Variants in TLE5 observed in about 807,000 individuals in gnomAD.
The protein encoded by TLE5 is TLE family member 5.
In TLE5, 7 loss-of-function variants were observed where a neutral mutation model predicts 25.8. That is an observed-to-expected ratio of 0.27 (90% CI 0.15 to 0.51). TLE5 has a LOEUF of 0.51. Ranked by LOEUF, TLE5 falls within the 20% of genes least tolerant of loss-of-function variation. TLE5 has a pLI of 0.97. For synonymous variants in TLE5, 132 were observed against 110.5 expected, an observed-to-expected ratio of 1.20 and a Z score of -1.22; for missense variants, 149 against 250.7, an observed-to-expected ratio of 0.59 and a Z score of 2.74.
chr19:3,062,669 C>T, upstream of TLE5: 3 of 1,382,046 alleles, frequency 2.2e-6, no homozygotes, highest in East Asian at 8.9e-5. Context: ...CGCCCCCGCC[C>T]CGGGCAGCGG....
At chr19:3,062,547 G>A, upstream of TLE5, 2 of 728,324 alleles carry the variant, frequency 2.7e-6, no homozygotes, top group Middle Eastern at 6.9e-4. Context: ...CGCCGCCCGT[G>A]CCCCGTGCGC....
In TLE5 at chr19:3,056,742, C is replaced by G. The variant is rs1388368467; in HGVS notation, c.190-386G>C. 2.5e-5 allele frequency: 9 copies of G among 364,938 alleles called. No individual in the cohort carries two copies. In the East Asian group the frequency reaches 8.2e-4, roughly 33 times the overall value. 22.6% of individuals were successfully genotyped at this position (364,938 alleles called of 1,614,324 possible). A position where few individuals can be genotyped will look rare whatever the true frequency, so the allele number is the denominator to read the frequency against. On this transcript the variant is annotated intron_variant, in intron 3 of 6. Coordinates refer to ENST00000327141, the MANE Select transcript of TLE5 (RefSeq NM_001130.6). ...CCAGACGCCAGGGAAGTTTGCCTGCCTAGGTATAAACAGTGAGGGGTAAAC... is the reference window on the plus strand; with the variant it reads ...CCAGACGCCAGGGAAGTTTGCCTGCGTAGGTATAAACAGTGAGGGGTAAAC...
chr19:3,056,873 G>A (rs1017837340), intron 3 of TLE5: 1 of 205,398 alleles, frequency 4.9e-6, no homozygotes, highest in Non-Finnish European at 1.0e-5. Context: ...GTCACCCCTG[G>A]GGGAAAACCA....
upstream of TLE5, chr19:3,062,885 CGGTA>C: frequency 7.5e-7 from 1 of 1,328,932 alleles, no homozygotes; most frequent in Non-Finnish European, 1.1e-6. Flanking sequence ...AGAAAGGCAG[CGGTA>C]ATGCCGCCTT....
Position 3,053,513 on chromosome 19 carries a change from G to C in TLE5, c.*306C>G. The stretch of plus-strand genomic sequence containing the variant: ...AAGGGCCGGGGCTGCTGCGCTTCGC[G>C]AGGTCTTGCTCCCTTGGGACCTGGT... On this transcript the variant is annotated 3_prime_UTR_variant, in exon 7 of 7. Transcript: ENST00000327141. The C allele has an allele frequency of 2.2e-6, 1 of 454,906 alleles. No individual in the cohort carries two copies. Among genetic ancestry groups the C allele is most frequent in the East Asian group, 3.8e-5 (1 of 26,390 alleles). The allele number at this position is 454,906 out of a possible 1,614,324, so 28.2% of individuals were successfully genotyped here. A position where few individuals can be genotyped will look rare whatever the true frequency, so the allele number is the denominator to read the frequency against.
chr19:3,057,085 T>C (rs978665966), intron 3 of TLE5, among the ~76,000 whole-genome samples: 1 of 152,244 alleles, frequency 6.6e-6, no homozygotes, highest in African/African-American at 2.4e-5. Context: ...TCTGGGAGAT[T>C]TGGGTACTGG....
intron 3 of TLE5, 106 bp downstream of exon 3, chr19:3,057,573 C>A: frequency 8.9e-7 from 1 of 1,124,642 alleles, no homozygotes. Flanking sequence ...TCGCGCTTCC[C>A]AGGGGAGGTG....
At position 3,061,370 on chromosome 19, in the gene TLE5, C is replaced by T. The variant is rs1190315929; in HGVS notation, c.28-113G>A. ...CGGCGCCCCCCCTCCTGCCCCACTT[C>T]CTGGGCCCGTGTTTACGGCCCCTGG... On this transcript the variant is annotated intron_variant, in intron 1 of 6. Coordinates refer to ENST00000327141, the MANE Select transcript of TLE5 (RefSeq NM_001130.6). 4 of 753,656 alleles carry T rather than the reference C, an allele frequency of 5.3e-6. No homozygotes were observed. In the African/African-American group the frequency reaches 5.4e-5, roughly 10 times the overall value. 46.7% of individuals were successfully genotyped at this position (753,656 alleles called of 1,614,324 possible). A position where few individuals can be genotyped will look rare whatever the true frequency, so the allele number is the denominator to read the frequency against.
Position 3,056,375 on chromosome 19 carries a change from G to T in TLE5, c.190-19C>A. 2 of 1,175,556 alleles carry T rather than the reference G, an allele frequency of 1.7e-6. No individual in the cohort carries two copies. Among genetic ancestry groups the T allele is most frequent in the South Asian group, 1.4e-5 (1 of 72,008 alleles). 72.8% of individuals were successfully genotyped at this position (1,175,556 alleles called of 1,614,324 possible). A position where few individuals can be genotyped will look rare whatever the true frequency, so the allele number is the denominator to read the frequency against. ...CGTAGTACTGTATGGGGGAGAGAGA[G>T]GGGGAGCGGGAGATGGGGGTGGGGA... is the stretch of plus-strand genomic sequence containing the variant. On this transcript the variant is annotated intron_variant, in intron 3 of 6. Coordinates refer to ENST00000327141, the MANE Select transcript of TLE5 (RefSeq NM_001130.6).
At chr19:3,055,802 G>C in intron 4 of TLE5, 76 bp from the exon 5 acceptor site, 1 of 1,473,610 alleles carries the variant, frequency 6.8e-7, no homozygotes, top group Non-Finnish European at 9.2e-7. Context: ...GGCCTGCGCG[G>C]GGCCCGGCCC....
upstream of TLE5, chr19:3,062,966 A>C (rs554861362): frequency 7.0e-6 from 4 of 569,910 alleles, no homozygotes; most frequent in East Asian, 1.3e-4. Flanking sequence ...CCGCTGCTCC[A>C]GGGCCCTGGG....
chr19:3,062,521 C>T (rs2090281212), upstream of TLE5: 3 of 654,982 alleles, frequency 4.6e-6, no homozygotes, highest in Non-Finnish European at 5.7e-6. Context: ...GCTGCGGAGG[C>T]TTCGGCTCCA....
intron 6 of TLE5, 34 bp downstream of exon 6, chr19:3,054,086 T>TCGGGGGGGGCCG: frequency 6.6e-7 from 1 of 1,512,814 alleles, no homozygotes; most frequent in Non-Finnish European, 8.9e-7. Flanking sequence ...GGCCCACCTG[T>TCGGGGGGGGCCG]CCCCCGCCCA....
At position 3,061,206 on chromosome 19, in the gene TLE5, C is replaced by T; in HGVS notation, c.79G>A (p.Asp27Asn). The T allele has an allele frequency of 6.2e-7, 1 of 1,613,790 alleles. No homozygotes were observed. The highest frequency in any genetic ancestry group is 2.2e-5 in the East Asian group (1 of 44,862). ...QLKFTTSDSCDRIKDEFQLLQ... is the reference protein window; with the variant it reads ...QLKFTTSDSCNRIKDEFQLLQ... ...AGCTGAAATTCGTCTTTGATGCGGT[C>T]GCAGGAGTCCGAGGTGGTGAATTTG... Residue 27 changes from aspartate (D) to asparagine (N), a missense_variant, in exon 2 of 7, where the codon GAC becomes AAC. By Grantham distance (23) the Asp-to-Asn change is conservative. Transcript: ENST00000327141.
chr19:3,054,780 T>A (rs2090203498), intron 5 of TLE5: 1 of 155,164 alleles, frequency 6.4e-6, no homozygotes, highest in South Asian at 2.0e-4. Context: ...TCTACCAATC[T>A]CCCTTTTTGC....
At chr19:3,060,863 T>G in intron 2 of TLE5, 1 of 204,776 alleles carries the variant, frequency 4.9e-6, no homozygotes, top group Non-Finnish European at 1.0e-5. Flanking sequence ...GTAACTCCAA[T>G]TGTTGGAAGG....
chr19:3,059,797 G>A (rs1020489789), intron 2 of TLE5, among the ~76,000 whole-genome samples: 2 of 152,168 alleles, frequency 1.3e-5, no homozygotes, highest in African/African-American at 2.4e-5. Context: ...CAGCCCCGGG[G>A]CTCACCAGGC....
At chr19:3,055,822 A>T in intron 4 of TLE5, 96 bp from the exon 5 acceptor site, 1 of 1,349,698 alleles carries the variant, frequency 7.4e-7, no homozygotes. Flanking sequence ...CAGCCCTGCC[A>T]CTTGCGGCTT....
At position 3,055,716 on chromosome 19, in the gene TLE5, A is replaced by C; in HGVS notation, c.245T>G (p.Val82Gly). 6.2e-7 allele frequency: 1 copy of C among 1,608,600 alleles called. No individual in the cohort carries two copies. Among genetic ancestry groups the C allele is most frequent in the Non-Finnish European group, 8.5e-7 (1 of 1,177,146 alleles). The change falls in exon 5 of 7, where the codon GTC (valine) becomes GGC (glycine). Residue 82 changes from valine to glycine, a missense_variant. Transcript: ENST00000327141. ...NIEMHKQAEIVKRLNGICAQV... is the reference protein window; with the variant it reads ...NIEMHKQAEIGKRLNGICAQV... ...GGCACAAATCCCGTTCAGCCTTTTG[A>C]CGATCTCAGCCTGGAACACACAGAT...
Sources: allele counts gnomAD v4.1 joint callset (sites outside exome capture counted in the v4.1 genomes callset), GRCh38; gene constraint gnomAD v4.1.1; transcripts MANE v1.5; gene names NCBI Gene and HGNC (gene_info 2026-07-23, HGNC 2026-07-21).